FBLN5: variants seen among roughly 807,000 people sequenced by gnomAD.
FBLN5 encodes fibulin-5.
FBLN5 carries 24 observed loss-of-function variants against 61.6 expected under a neutral mutation model. The ratio of observed to expected loss-of-function variants is 0.39; its 90% confidence interval spans 0.28 to 0.55. The LOEUF (loss-of-function observed/expected upper bound fraction) is 0.55, where lower values mean the gene tolerates loss of function less well. Among genes scored for constraint, FBLN5 ranks in the 20% least tolerant of loss-of-function variants. The pLI, the probability that FBLN5 is intolerant of heterozygous loss-of-function variation, is 0.65. For missense variants in FBLN5, 470 were observed against 594.1 expected (o/e 0.79, Z 2.17); for synonymous variants, 213 against 219.8 (o/e 0.97, Z 0.27).
intron 7 of FBLN5, among the ~76,000 whole-genome samples, chr14:91,884,102 C>A (rs549820267): frequency 1.8e-4 from 28 of 152,318 alleles, no homozygotes; most frequent in African/African-American, 5.3e-4. Flanking sequence ...CTGGAGTCAC[C>A]CAGAGAGGGT....
intron 4 of FBLN5, among the ~76,000 whole-genome samples, chr14:91,903,423 A>G (rs952006717): frequency 1.3e-5 from 2 of 152,322 alleles, no homozygotes; most frequent in African/African-American, 4.8e-5. Context: ...AAAAAGTACA[A>G]AAGATCCCAG....
In FBLN5 at chr14:91,882,908, C is replaced by T; in HGVS notation, c.862+46G>A. The T allele has an allele frequency of 6.8e-6, 11 of 1,608,560 alleles. No individual in the cohort carries two copies. The highest frequency in any genetic ancestry group is 8.5e-6 in the Non-Finnish European group (10 of 1,176,682). On this transcript the variant is annotated intron_variant, in intron 8 of 10. Transcript: ENST00000342058. The surrounding 1 kb of genome is among the most constrained non-coding windows in gnomAD (Gnocchi z 4.9). The stretch of plus-strand genomic sequence containing the variant: ...ATCCAGATGAGCCCCTGAAGCAGCT[C>T]CACCTCACACATACACCCCAGCCAG...
intron 4 of FBLN5, among the ~76,000 whole-genome samples, chr14:91,916,433 C>T (rs761696166): frequency 1.3e-5 from 2 of 152,202 alleles, no homozygotes; most frequent in East Asian, 1.9e-4. Context: ...GGTGACAGAG[C>T]GAGATTCTGT....
Position 91,914,534 on chromosome 14 carries a change from C to G in FBLN5, c.380-19462G>C, listed in dbSNP as rs200676567. On this transcript the variant is annotated intron_variant, in intron 4 of 10. Transcript: ENST00000342058. ...TATTAGCTGGGCAGTATAGTACATACCTGTGGTCCCAGATACTTGAGGCCC... is the reference window on the plus strand; with the variant it reads ...TATTAGCTGGGCAGTATAGTACATAGCTGTGGTCCCAGATACTTGAGGCCC... Among the ~76,000 whole-genome samples the G allele has an allele frequency of 4.1e-5, 6 of 145,904 alleles. No homozygotes were observed. The East Asian group carries it at 1.2e-3, about 29-fold the overall frequency.
At chr14:91,946,794 C>G in intron 1 of FBLN5, 2 of 1,535,916 alleles carry the variant, frequency 1.3e-6, no homozygotes, top group Non-Finnish European at 1.7e-6. Context: ...AAATCCAGCC[C>G]CGCGGTGTTC....
chr14:91,915,686 CAAAAAAAAA>C (rs34675184), intron 4 of FBLN5, among the ~76,000 whole-genome samples: 62 of 43,752 alleles, frequency 1.4e-3, no homozygotes, highest in African/African-American at 5.2e-3. Context: ...GACTCCATCT[CAAAAAAAAA>C]AAAAAAAAAA....
intron 3 of FBLN5, chr14:91,939,889 C>G: frequency 2.3e-6 from 1 of 442,150 alleles, no homozygotes; most frequent in Admixed American, 2.5e-5. Context: ...CTGGGTGGGC[C>G]CGATATATTC....
chr14:91,898,332 C>T (rs1316772549), intron 4 of FBLN5, among the ~76,000 whole-genome samples: 1 of 152,100 alleles, frequency 6.6e-6, no homozygotes, highest in Non-Finnish European at 1.5e-5. Context: ...ATCAATCCCT[C>T]GCAGCCCCCA....
intron 2 of FBLN5, 70 bp downstream of exon 2, chr14:91,942,837 C>T (rs973948359): frequency 2.8e-5 from 28 of 992,776 alleles, no homozygotes; most frequent in East Asian, 2.1e-4. Flanking sequence ...GGTTCCGTAG[C>T]GCAAGGCTGG....
intron 4 of FBLN5, 84 bp from the exon 5 acceptor site, chr14:91,895,156 G>C (rs1250190077): frequency 1.9e-6 from 3 of 1,556,592 alleles, no homozygotes; most frequent in Non-Finnish European, 2.6e-6. Context: ...GGCTCATCTT[G>C]GCTGGGAGGC....
intron 2 of FBLN5, among the ~76,000 whole-genome samples, chr14:91,941,024 G>A (rs1442438094): frequency 1.3e-5 from 2 of 152,142 alleles, no homozygotes; most frequent in East Asian, 1.9e-4. Context: ...TTTTAATGCT[G>A]TAGTTGTGAA....
chr14:91,940,308 G>A (rs756367713), intron 3 of FBLN5, among the ~76,000 whole-genome samples: 5 of 152,054 alleles, frequency 3.3e-5, no homozygotes, highest in African/African-American at 2.4e-5. Context: ...AATTTGTTAC[G>A]GCAGCCCTAG....
chr14:91,921,715 A>G (rs2055737868), intron 4 of FBLN5, among the ~76,000 whole-genome samples: 1 of 152,208 alleles, frequency 6.6e-6, no homozygotes, highest in African/African-American at 2.4e-5. Flanking sequence ...AGGACTCTCT[A>G]AGGGGTGCCA....
In FBLN5 at chr14:91,869,845, T is replaced by G; in HGVS notation, c.*379A>C. On this transcript the variant is annotated 3_prime_UTR_variant, in exon 11 of 11. Transcript: ENST00000342058. ...AGCAGTAACACAGTGAGAGAAGGAGTGGAAGAGGTGAAGAAGTGACAGCAA... is the reference window on the plus strand; with the variant it reads ...AGCAGTAACACAGTGAGAGAAGGAGGGGAAGAGGTGAAGAAGTGACAGCAA... The G allele has an allele frequency of 3.1e-6, 1 of 319,050 alleles. No homozygotes were observed. Among genetic ancestry groups the G allele is most frequent in the Non-Finnish European group, 6.2e-6 (1 of 162,338 alleles). The allele number at this position is 319,050 out of a possible 1,614,324, so 19.8% of individuals were successfully genotyped here.
chr14:91,902,824 G>A (rs1257898610), intron 4 of FBLN5, among the ~76,000 whole-genome samples: 1 of 152,166 alleles, frequency 6.6e-6, no homozygotes, highest in African/African-American at 2.4e-5. Context: ...CAATATTTAA[G>A]AGAGTCTAAG....
intron 4 of FBLN5, among the ~76,000 whole-genome samples, chr14:91,905,536 T>C (rs1890646874): frequency 6.7e-6 from 1 of 150,356 alleles, no homozygotes. Context: ...TCTTTCACAA[T>C]AACAAGTTAC....
At chr14:91,914,497 A>G (rs894502957) in intron 4 of FBLN5, among the ~76,000 whole-genome samples, 1 of 149,592 alleles carries the variant, frequency 6.7e-6, no homozygotes, top group South Asian at 2.1e-4. Context: ...AAAAAAAAAA[A>G]AAAACAACAA....
At chr14:91,891,512 A>G (rs1392874416) in intron 5 of FBLN5, among the ~76,000 whole-genome samples, 175 bp from the exon 6 acceptor site, 2 of 152,156 alleles carry the variant, frequency 1.3e-5, no homozygotes, top group East Asian at 3.9e-4. Flanking sequence ...TCTCGAATAC[A>G]AGGCTCAATC....
At chr14:91,885,582 G>T (rs1461061441) in intron 7 of FBLN5, among the ~76,000 whole-genome samples, 1 of 152,082 alleles carries the variant, frequency 6.6e-6, no homozygotes, top group African/African-American at 2.4e-5. Context: ...TTTAATTTTT[G>T]ACCACTCTAT....
Sources: gnomAD v4.1 joint callset for allele counts (sites outside exome capture counted in the v4.1 genomes callset) on GRCh38, gnomAD v4.1.1 for gene constraint, Gnocchi (gnomAD v3.1) non-coding constraint, MANE v1.5 for transcripts, NCBI Gene and HGNC (gene_info 2026-07-23, HGNC 2026-07-21) for gene names.